AUTS2: variants seen among roughly 807,000 people sequenced by gnomAD.
AUTS2 encodes the protein autism susceptibility gene 2 protein.
A neutral mutation model predicts 112.4 loss-of-function variants in AUTS2; 17 were observed. That is an observed-to-expected ratio of 0.15 (90% CI 0.10 to 0.23). The LOEUF is 0.23. AUTS2 is among the 10% of genes least tolerant of loss of function. The pLI is 1.00. For synonymous variants in AUTS2, 751 were observed against 702.7 expected (o/e 1.07, Z -1.09); for missense variants, 1,510 against 1,701.6 (o/e 0.89, Z 1.98).
intron 4 of AUTS2, among the ~76,000 whole-genome samples, chr7:70,354,060 C>T (rs536752510): frequency 2.0e-5 from 3 of 152,330 alleles, no homozygotes; most frequent in East Asian, 1.9e-4. Context: ...TCTTGCTAAT[C>T]GCGTAAAGTG....
intron 1 of AUTS2, among the ~76,000 whole-genome samples, chr7:69,694,798 T>G (rs1292028005): frequency 6.6e-6 from 1 of 152,220 alleles, no homozygotes; most frequent in East Asian, 1.9e-4. Flanking sequence ...CAAGGTGGCC[T>G]TACTATTTAT....
chr7:70,609,679 T>G (rs979350408), intron 5 of AUTS2, among the ~76,000 whole-genome samples: 1 of 151,838 alleles, frequency 6.6e-6, no homozygotes, highest in African/African-American at 2.4e-5. Flanking sequence ...TGCCCACCTC[T>G]GCCTCCCAAA....
intron 1 of AUTS2, among the ~76,000 whole-genome samples, chr7:69,639,539 C>G (rs781015646): frequency 6.6e-6 from 1 of 152,226 alleles, no homozygotes; most frequent in South Asian, 2.1e-4. Context: ...TAGAACTTAA[C>G]GCCTGCTCTG....
intron 6 of AUTS2, among the ~76,000 whole-genome samples, chr7:70,711,490 G>T (rs556802271): frequency 1.3e-5 from 2 of 152,130 alleles, no homozygotes; most frequent in Admixed American, 6.5e-5. Context: ...CGACATCCTG[G>T]GCTTCCAAGT....
intron 6 of AUTS2, among the ~76,000 whole-genome samples, chr7:70,708,313 GT>G (rs1470709238): frequency 1.3e-5 from 2 of 152,222 alleles, no homozygotes; most frequent in African/African-American, 2.4e-5. Context: ...TATCCATAAA[GT>G]TTAGTTTGAC....
chr7:69,889,505 T>C (rs1718401172), intron 1 of AUTS2, among the ~76,000 whole-genome samples: 2 of 152,228 alleles, frequency 1.3e-5, no homozygotes, highest in African/African-American at 4.8e-5. Context: ...TTTTTGATAA[T>C]ACCCGTCCTA....
At chr7:69,985,511 A>G (rs1192889912) in intron 2 of AUTS2, among the ~76,000 whole-genome samples, 2 of 152,216 alleles carry the variant, frequency 1.3e-5, no homozygotes, top group African/African-American at 2.4e-5. Context: ...AAGATCCTCT[A>G]GGGCTTCTTA....
chr7:70,758,511 A>G (rs1360075929), intron 6 of AUTS2, among the ~76,000 whole-genome samples: 1 of 152,232 alleles, frequency 6.6e-6, no homozygotes, highest in Non-Finnish European at 1.5e-5. Context: ...TACAATTTAC[A>G]TGCAATAAAC....
intron 2 of AUTS2, among the ~76,000 whole-genome samples, chr7:70,108,844 G>C (rs1288816440): frequency 6.7e-6 from 1 of 149,920 alleles, no homozygotes; most frequent in Non-Finnish European, 1.5e-5. Flanking sequence ...GGAGGCTGAG[G>C]CATGAAAATC....
intron 1 of AUTS2, among the ~76,000 whole-genome samples, chr7:69,705,507 G>A (rs1798026113): frequency 6.6e-6 from 1 of 152,218 alleles, no homozygotes; most frequent in South Asian, 2.1e-4. Flanking sequence ...CTGTAGAATT[G>A]CTATGTGGAA....
chr7:70,387,594 T>G (rs1419369692), intron 4 of AUTS2, among the ~76,000 whole-genome samples: 1 of 152,222 alleles, frequency 6.6e-6, no homozygotes, highest in Non-Finnish European at 1.5e-5. Context: ...AAAACAGAAC[T>G]CAAACCCTGA....
intron 5 of AUTS2, among the ~76,000 whole-genome samples, chr7:70,535,117 T>G (rs1482324459): frequency 6.6e-6 from 1 of 152,002 alleles, no homozygotes; most frequent in Admixed American, 6.5e-5. Context: ...GCTAGTAAGC[T>G]GTGTGACCTT....
chr7:69,839,657 T>C (rs1163976790), intron 1 of AUTS2, among the ~76,000 whole-genome samples: 1 of 152,140 alleles, frequency 6.6e-6, no homozygotes, highest in Non-Finnish European at 1.5e-5. Flanking sequence ...TTAAACACTT[T>C]GTTCTTTGTA....
intron 2 of AUTS2, among the ~76,000 whole-genome samples, chr7:69,995,681 C>T (rs1376288191): frequency 4.6e-5 from 7 of 152,160 alleles, no homozygotes; most frequent in Non-Finnish European, 8.8e-5. Flanking sequence ...TCAGAATTGC[C>T]GCTGCTGGCC....
intron 3 of AUTS2, among the ~76,000 whole-genome samples, chr7:70,132,184 AAAAAG>A (rs1368328021): frequency 2.0e-5 from 3 of 151,450 alleles, no homozygotes; most frequent in African/African-American, 7.3e-5. Flanking sequence ...AAAAAAAAAA[AAAAAG>A]AGTACAGTAG....
chr7:69,681,122 G>T (rs928110768), intron 1 of AUTS2, among the ~76,000 whole-genome samples: 1 of 152,184 alleles, frequency 6.6e-6, no homozygotes, highest in Non-Finnish European at 1.5e-5. Context: ...TCCATTGAAT[G>T]TATATACCAC....
chr7:70,164,641 T>C (rs946933912), intron 4 of AUTS2, among the ~76,000 whole-genome samples: 7 of 152,170 alleles, frequency 4.6e-5, no homozygotes, highest in African/African-American at 1.4e-4. Flanking sequence ...GAGGAGGAAT[T>C]TTTATCCTGT....
chr7:70,642,210 T>A (rs907024199), intron 5 of AUTS2, among the ~76,000 whole-genome samples: 10 of 152,232 alleles, frequency 6.6e-5, no homozygotes, highest in Non-Finnish European at 1.5e-4. Context: ...TTGGTATAAT[T>A]TAACTATGGG....
At chr7:70,718,872 C>A (rs1810517941) in intron 6 of AUTS2, among the ~76,000 whole-genome samples, 1 of 152,026 alleles carries the variant, frequency 6.6e-6, no homozygotes, top group Non-Finnish European at 1.5e-5. Flanking sequence ...GGCCTGGACA[C>A]TTTTGAGAGT....
Sources: gnomAD v4.1 joint callset for allele counts (sites outside exome capture counted in the v4.1 genomes callset) on GRCh38, gnomAD v4.1.1 for gene constraint, MANE v1.5 for transcripts, NCBI Gene and HGNC (gene_info 2026-07-23, HGNC 2026-07-21) for gene names.